The following COMMD1 variants were observed in gnomAD, a reference collection of about 807,000 sequenced individuals.
COMMD1 encodes copper metabolism domain containing 1, also known as COMM domain-containing protein 1.
Under a neutral mutation model 17.2 loss-of-function variants are expected in COMMD1, and 10 were observed. The observed-to-expected ratio is 0.58, with a 90% CI of 0.36 to 0.99. The LOEUF (loss-of-function observed/expected upper bound fraction) is 0.99, where lower values mean the gene tolerates loss of function less well. Ranked by LOEUF, COMMD1 falls within the 50% of genes least tolerant of loss-of-function variation. COMMD1 has a pLI of 0.01. For missense variants in COMMD1, 270 were observed against 231.8 expected (o/e 1.17, Z -1.07); for synonymous variants, 97 against 91.6 (o/e 1.06, Z -0.34).
chr2:61,976,499 C>T (rs61084153), intron 1 of COMMD1, among the ~76,000 whole-genome samples: 112 of 152,168 alleles, frequency 7.4e-4, no homozygotes, highest in African/African-American at 2.6e-3. Context: ...TAACAATAAG[C>T]ATCAAAATAT....
At chr2:62,009,438 C>T (rs1233032960) in intron 2 of COMMD1, among the ~76,000 whole-genome samples, 2 of 151,874 alleles carry the variant, frequency 1.3e-5, no homozygotes, top group African/African-American at 4.8e-5. Context: ...AACCCAGTCT[C>T]TACTGAAAAT....
intron 2 of COMMD1, among the ~76,000 whole-genome samples, chr2:62,091,630 T>C (rs1170237633): frequency 2.0e-5 from 3 of 152,178 alleles, no homozygotes; most frequent in Non-Finnish European, 4.4e-5. Context: ...GGGACCTCTG[T>C]CCACCACTTG....
At chr2:61,902,342 C>A (rs1669674278), upstream of COMMD1, among the ~76,000 whole-genome samples, 1 of 151,284 alleles carries the variant, frequency 6.6e-6, no homozygotes, top group Non-Finnish European at 1.5e-5. Flanking sequence ...CTTGTCTCTA[C>A]TAAAAATACA....
At chr2:62,002,070 T>A (rs1668961666) in intron 2 of COMMD1, among the ~76,000 whole-genome samples, 2 of 152,122 alleles carry the variant, frequency 1.3e-5, no homozygotes, top group Non-Finnish European at 2.9e-5. Context: ...CTTGGGAGGC[T>A]GAGGCACGAG....
chr2:61,981,772 C>T (rs1421029889), intron 1 of COMMD1, among the ~76,000 whole-genome samples: 3 of 152,096 alleles, frequency 2.0e-5, no homozygotes, highest in Non-Finnish European at 4.4e-5. Context: ...ACGAGAACAG[C>T]ATGGGAAAGA....
intron 2 of COMMD1, among the ~76,000 whole-genome samples, chr2:62,045,730 ATTTTTTTT>A (rs71410917): frequency 7.1e-5 from 6 of 84,898 alleles, no homozygotes; most frequent in Admixed American, 2.8e-4. Flanking sequence ...TTTCAAGTTA[ATTTTTTTT>A]TTTTTTTTTT....
At chr2:62,063,166 G>A (rs969576580) in intron 2 of COMMD1, among the ~76,000 whole-genome samples, 1 of 152,076 alleles carries the variant, frequency 6.6e-6, no homozygotes, top group African/African-American at 2.4e-5. Context: ...GCAGTGAGCC[G>A]AGATCGCACC....
At chr2:62,055,881 G>A (rs533152723) in intron 2 of COMMD1, among the ~76,000 whole-genome samples, 45 of 152,310 alleles carry the variant, frequency 3.0e-4, no homozygotes, top group Admixed American at 9.2e-4. Flanking sequence ...ACTGTGGCAC[G>A]CAGTCCAGGT....
intron 2 of COMMD1, among the ~76,000 whole-genome samples, chr2:62,020,248 A>C (rs1669575757): frequency 6.6e-6 from 1 of 152,224 alleles, no homozygotes; most frequent in African/African-American, 2.4e-5. Context: ...ACAGAGGGAA[A>C]ATGTTGGTAC....
intron 1 of COMMD1, among the ~76,000 whole-genome samples, chr2:61,947,699 A>C (rs1003011825): frequency 1.3e-5 from 2 of 150,474 alleles, no homozygotes; most frequent in Non-Finnish European, 2.9e-5. Flanking sequence ...AACAAACAAA[A>C]AAAATTTTTT....
chr2:62,060,960 C>G (rs1030616718), intron 2 of COMMD1, among the ~76,000 whole-genome samples: 3 of 152,034 alleles, frequency 2.0e-5, no homozygotes, highest in Admixed American at 2.0e-4. Flanking sequence ...TTTTAGTTCA[C>G]TGATCCTTCC....
intron 1 of COMMD1, among the ~76,000 whole-genome samples, chr2:61,948,006 G>A (rs1049423523): frequency 6.6e-6 from 1 of 151,800 alleles, no homozygotes; most frequent in Non-Finnish European, 1.5e-5. Flanking sequence ...AATAAAATAT[G>A]TAAATATAAA....
At chr2:62,109,839 T>C (rs1315328097) in intron 2 of COMMD1, among the ~76,000 whole-genome samples, 1 of 152,146 alleles carries the variant, frequency 6.6e-6, no homozygotes, top group Admixed American at 6.6e-5. Flanking sequence ...CAGTTGTCTT[T>C]ATCCCCTTGA....
At chr2:62,024,478 A>G (rs936208235) in intron 2 of COMMD1, among the ~76,000 whole-genome samples, 4 of 152,204 alleles carry the variant, frequency 2.6e-5, no homozygotes, top group African/African-American at 9.6e-5. Context: ...ATCCTTTGCT[A>G]TTGATAGTTA....
chr2:62,022,154 G>C (rs1669628299), intron 2 of COMMD1, among the ~76,000 whole-genome samples: 2 of 151,886 alleles, frequency 1.3e-5, no homozygotes, highest in Non-Finnish European at 2.9e-5. Flanking sequence ...GAATTTTCTT[G>C]TTTCATTTTA....
chr2:62,097,979 G>C (rs11688304), intron 2 of COMMD1, among the ~76,000 whole-genome samples: 1 of 151,990 alleles, frequency 6.6e-6, no homozygotes, highest in Non-Finnish European at 1.5e-5. Flanking sequence ...GCAAGCACCC[G>C]TTTAAGTTTT....
chr2:61,940,032 A>T (rs1670702929), intron 1 of COMMD1, among the ~76,000 whole-genome samples: 1 of 151,524 alleles, frequency 6.6e-6, no homozygotes, highest in Admixed American at 6.6e-5. Flanking sequence ...GGGGTAGCTC[A>T]AGCCAATATT....
intron 1 of COMMD1, among the ~76,000 whole-genome samples, chr2:61,930,203 C>T (rs76920007): frequency 3.3e-5 from 5 of 152,238 alleles, no homozygotes; most frequent in Non-Finnish European, 7.4e-5. Flanking sequence ...TGCATTGATA[C>T]TTTATAAACC....
At chr2:62,134,256 C>G (rs558899900) in intron 2 of COMMD1, among the ~76,000 whole-genome samples, 1 of 152,142 alleles carries the variant, frequency 6.6e-6, no homozygotes, top group African/African-American at 2.4e-5. Flanking sequence ...TGATACTTTT[C>G]AGTAGTTAGG....
Sources: allele counts gnomAD v4.1 joint callset (sites outside exome capture counted in the v4.1 genomes callset), GRCh38; gene constraint gnomAD v4.1.1; transcripts MANE v1.5; gene names NCBI Gene and HGNC (gene_info 2026-07-23, HGNC 2026-07-21).